The following CCAR1 variants were observed in gnomAD, a reference collection of about 807,000 sequenced individuals.
The protein encoded by CCAR1 is cell division cycle and apoptosis regulator 1.
In CCAR1, 78 loss-of-function variants were observed where a neutral mutation model predicts 163.8. That is an observed-to-expected ratio of 0.48 (90% CI 0.40 to 0.57). The LOEUF (loss-of-function observed/expected upper bound fraction) is 0.57, where lower values mean the gene tolerates loss of function less well. CCAR1 is among the 20% of genes least tolerant of loss of function. CCAR1 has a pLI of 0.00. For synonymous variants in CCAR1, 443 were observed against 460.7 expected, an observed-to-expected ratio of 0.96 and a Z score of 0.49; for missense variants, 1,019 against 1,365.2, an observed-to-expected ratio of 0.75 and a Z score of 4.00.
At chr10:68,740,712 T>C (rs2056171492) in intron 5 of CCAR1, 51 bp downstream of exon 5, 1 of 1,380,946 alleles carries the variant, frequency 7.2e-7, no homozygotes, top group Non-Finnish European at 1.0e-6. Flanking sequence ...AACAGTAGAC[T>C]AAAGCTTTAT....
intron 6 of CCAR1, 79 bp from the exon 7 acceptor site, chr10:68,747,078 TACTA>T (rs1259857127): frequency 1.2e-5 from 8 of 684,218 alleles, no homozygotes; most frequent in South Asian, 2.3e-5. Flanking sequence ...TACTTTAAAG[TACTA>T]ACTATGTAAA....
chr10:68,771,346 TAAAAAAG>T lies in CCAR1; in HGVS notation c.2442_2448del (p.Glu817MetfsTer72). 6.2e-7 allele frequency: 1 copy of T among 1,603,860 alleles called. No homozygotes were observed. The highest frequency in any genetic ancestry group is 8.5e-7 in the Non-Finnish European group (1 of 1,174,484). On this transcript the variant is annotated frameshift_variant, in exon 18 of 25. Transcript: ENST00000265872. LOFTEE classifies it high-confidence loss of function. ...AAAGCAAAAAAGATGAGAGAAAAGA[TAAAAAAG>T]AAGAAAGAGATGATGAAACTGATGA...
chr10:68,728,913 T>A (rs2055989543), intron 2 of CCAR1, among the ~76,000 whole-genome samples: 1 of 151,466 alleles, frequency 6.6e-6, no homozygotes, highest in Non-Finnish European at 1.5e-5. Context: ...GATCGTGCCA[T>A]TGCACTCCAA....
At chr10:68,782,188 C>T (rs2056744672) in intron 19 of CCAR1, among the ~76,000 whole-genome samples, 1 of 152,120 alleles carries the variant, frequency 6.6e-6, no homozygotes, top group African/African-American at 2.4e-5. Flanking sequence ...TAACTCTCTT[C>T]AATTCTATAA....
intron 17 of CCAR1, among the ~76,000 whole-genome samples, chr10:68,767,322 C>T (rs747278758): frequency 4.0e-4 from 61 of 152,238 alleles, no homozygotes; most frequent in Non-Finnish European, 5.0e-4. Context: ...GAATGGAATA[C>T]GATGGCACAA....
chr10:68,762,528 G>A (rs1292629775), intron 16 of CCAR1, among the ~76,000 whole-genome samples: 1 of 152,020 alleles, frequency 6.6e-6, no homozygotes, highest in African/African-American at 2.4e-5. Flanking sequence ...AATAACTCCC[G>A]GATGCATAAG....
intron 15 of CCAR1, among the ~76,000 whole-genome samples, chr10:68,758,631 GTATATATACACACGTGTATA>G (rs2056428306): frequency 2.8e-5 from 1 of 35,454 alleles, no homozygotes; most frequent in Admixed American, 4.0e-4. Context: ...ATATATATAT[GTATATATACACACGTGTATA>G]TATATATATA....
Position 68,789,725 on chromosome 10 carries a change from C to A in CCAR1, c.3203C>A (p.Thr1068Asn). The change falls in exon 24 of 25, where the codon ACC becomes AAC. Residue 1068 changes from threonine (T) to asparagine (N), a missense_variant. Around this residue, in one of 4 missense-constraint regions of CCAR1, gnomAD observed 358 missense variants for 406.4 expected, o/e 0.88. Coordinates refer to ENST00000265872, the MANE Select transcript of CCAR1 (RefSeq NM_018237.4). ...LEEKTDEDEK[T>N]ILNLENSNKS... ...TTTTAAACAGATGAAGATGAAAAAACCATATTAAATTTGGAGAATTCCAAC... is the reference window on the plus strand; with the variant it reads ...TTTTAAACAGATGAAGATGAAAAAAACATATTAAATTTGGAGAATTCCAAC... 2 of 1,569,168 alleles carry A rather than the reference C, an allele frequency of 1.3e-6. No homozygotes were observed. Among genetic ancestry groups the A allele is most frequent in the Non-Finnish European group, 1.7e-6 (2 of 1,162,882 alleles).
chr10:68,761,304 A>T, intron 16 of CCAR1, 112 bp downstream of exon 16: 1 of 434,882 alleles, frequency 2.3e-6, no homozygotes, highest in Non-Finnish European at 3.7e-6. Flanking sequence ...TATTTAATTT[A>T]ATTAATTAAT....
intron 5 of CCAR1, among the ~76,000 whole-genome samples, chr10:68,741,311 T>C (rs1365260718): frequency 6.6e-6 from 1 of 152,238 alleles, no homozygotes; most frequent in African/African-American, 2.4e-5. Flanking sequence ...TTTTCCACTT[T>C]AGCAGGGAAA....
At position 68,789,920 on chromosome 10, in the gene CCAR1, G is replaced by T; in HGVS notation, c.3393+5G>T. ...ATCCACACTGTTCTCAAGAAGGTGA[G>T]AAATTTTGTACTTTTAACATTTTCT... On this transcript the variant is annotated splice_donor_5th_base_variant and intron_variant, in intron 24 of 24. Coordinates refer to ENST00000265872, the MANE Select transcript of CCAR1 (RefSeq NM_018237.4). 1.3e-6 allele frequency: 2 copies of T among 1,522,224 alleles called. No individual in the cohort carries two copies. The highest frequency in any genetic ancestry group is 1.3e-5 in the South Asian group (1 of 78,774). The allele number at this position is 1,522,224 out of a possible 1,614,324, so 94.3% of individuals were successfully genotyped here. A position where few individuals can be genotyped will look rare whatever the true frequency, so the allele number is the denominator to read the frequency against.
At chr10:68,723,057 T>C (rs74433418) in intron 2 of CCAR1, among the ~76,000 whole-genome samples, 2,149 of 152,208 alleles carry the variant, frequency 0.014, 58 homozygotes, top group African/African-American at 0.048. Context: ...CAAGCTGTTT[T>C]ACATAGTAGT....
At chr10:68,737,700 GT>G (rs1359346112) in intron 3 of CCAR1, 144 bp from the exon 4 acceptor site, 2 of 397,462 alleles carry the variant, frequency 5.0e-6, no homozygotes, top group Middle Eastern at 6.5e-4. Context: ...TATTTTTTTT[GT>G]TTTTTTCTTT....
At chr10:68,744,996 A>AAATT (rs71028774) in intron 6 of CCAR1, among the ~76,000 whole-genome samples, 4 of 151,186 alleles carry the variant, frequency 2.6e-5, no homozygotes, top group South Asian at 2.1e-4. Context: ...CTATTTAATT[A>AAATT]AATTAATTAA....
At position 68,791,347 on chromosome 10, in the gene CCAR1, G is replaced by A; in HGVS notation, c.*81G>A. 3 of 908,224 alleles carry A rather than the reference G, an allele frequency of 3.3e-6. No homozygotes were observed. Among genetic ancestry groups the A allele is most frequent in the South Asian group, 1.8e-5 (1 of 55,602 alleles). The allele number at this position is 908,224 out of a possible 1,614,324, so 56.3% of individuals were successfully genotyped here. A position where few individuals can be genotyped will look rare whatever the true frequency, so the allele number is the denominator to read the frequency against. On this transcript the variant is annotated 3_prime_UTR_variant, in exon 25 of 25. Coordinates refer to ENST00000265872, the MANE Select transcript of CCAR1 (RefSeq NM_018237.4). ...TGATATAAGAATGTTTGAAGGTGAT[G>A]CATGTTTGATTTTAGTAGTATAAAT...
intron 15 of CCAR1, 26 bp from the exon 16 acceptor site, chr10:68,760,981 C>T (rs775838310): frequency 8.2e-5 from 81 of 991,566 alleles, no homozygotes; most frequent in Middle Eastern, 2.6e-4. Flanking sequence ...TTTTTTTTTC[C>T]GTGTTTTTCT....
chr10:68,754,940 T>G, intron 12 of CCAR1, 113 bp downstream of exon 12: 1 of 640,760 alleles, frequency 1.6e-6, no homozygotes, highest in South Asian at 1.9e-5. Context: ...AATGAGTAAT[T>G]TTAGTATTAA....
intron 19 of CCAR1, among the ~76,000 whole-genome samples, chr10:68,773,398 C>T (rs2056626572): frequency 6.6e-6 from 1 of 152,148 alleles, no homozygotes; most frequent in Non-Finnish European, 1.5e-5. Flanking sequence ...CATGGGGGCT[C>T]ACACCTGTAA....
chr10:68,762,768 T>C (rs2056489684), intron 16 of CCAR1, among the ~76,000 whole-genome samples: 1 of 152,092 alleles, frequency 6.6e-6, no homozygotes, highest in Non-Finnish European at 1.5e-5. Context: ...TTTTTTAAAT[T>C]TTTTTAGAAT....
Sources: gnomAD v4.1 joint callset for allele counts (sites outside exome capture counted in the v4.1 genomes callset) on GRCh38, gnomAD v4.1.1 for gene constraint, gnomAD v4.1.1 regional missense constraint, MANE v1.5 for transcripts, NCBI Gene and HGNC (gene_info 2026-07-23, HGNC 2026-07-21) for gene names.